Variants in CDH18 observed in about 807,000 individuals in gnomAD.
CDH18 encodes cadherin 18, also known as cadherin-18.
Under a neutral mutation model 67.9 loss-of-function variants are expected in CDH18, and 31 were observed. That is an observed-to-expected ratio of 0.46 (90% confidence interval 0.34 to 0.62). The LOEUF (loss-of-function observed/expected upper bound fraction) is 0.62. Ranked by LOEUF, CDH18 falls within the 20% of genes least tolerant of loss-of-function variation. The pLI is 0.01. For missense variants in CDH18, 890 were observed against 975.5 expected (o/e 0.91, Z 1.17); for synonymous variants, 362 against 347.2 (o/e 1.04, Z -0.48).
At chr5:19,938,256 T>C (rs1315232215) in intron 2 of CDH18, among the ~76,000 whole-genome samples, 2 of 151,142 alleles carry the variant, frequency 1.3e-5, no homozygotes, top group Non-Finnish European at 3.0e-5. Flanking sequence ...GACTCAATGA[T>C]GCTGGGTTAT....
At chr5:19,827,313 A>C (rs1780511589) in intron 3 of CDH18, among the ~76,000 whole-genome samples, 1 of 144,876 alleles carries the variant, frequency 6.9e-6, no homozygotes, top group African/African-American at 2.6e-5. Context: ...ACAATATCGG[A>C]CAAGTTATCA....
At chr5:20,378,267 G>C (rs946776193) in intron 1 of CDH18, among the ~76,000 whole-genome samples, 1 of 152,150 alleles carries the variant, frequency 6.6e-6, no homozygotes, top group South Asian at 2.1e-4. Flanking sequence ...CGCCTCCCGG[G>C]TTCACGCCAT....
At chr5:19,727,867 C>A (rs1448321169) in intron 4 of CDH18, among the ~76,000 whole-genome samples, 1 of 152,122 alleles carries the variant, frequency 6.6e-6, no homozygotes, top group African/African-American at 2.4e-5. Context: ...TTCTAATGAT[C>A]TGCCTGCTGA....
At chr5:19,582,316 A>T (rs1312531767) in intron 7 of CDH18, among the ~76,000 whole-genome samples, 1 of 152,050 alleles carries the variant, frequency 6.6e-6, no homozygotes, top group African/African-American at 2.4e-5. Context: ...TTAATTCATC[A>T]AGATGTTTCG....
chr5:20,418,806 G>A (rs1370291246), intron 1 of CDH18, among the ~76,000 whole-genome samples: 3 of 152,046 alleles, frequency 2.0e-5, no homozygotes, highest in Admixed American at 1.3e-4. Flanking sequence ...AAAATCATAC[G>A]TTGAAATCCT....
intron 1 of CDH18, among the ~76,000 whole-genome samples, chr5:20,335,828 A>G (rs1739674987): frequency 6.6e-6 from 1 of 152,232 alleles, no homozygotes; most frequent in Non-Finnish European, 1.5e-5. Context: ...AAAATATTAA[A>G]GCATTATGAA....
At chr5:20,558,236 G>A (rs1281759509) in intron 1 of CDH18, among the ~76,000 whole-genome samples, 1 of 151,966 alleles carries the variant, frequency 6.6e-6, no homozygotes, top group African/African-American at 2.4e-5. Flanking sequence ...ACACAGAATA[G>A]GACAAAGAGG....
chr5:19,560,494 C>T (rs1234427724), intron 8 of CDH18, among the ~76,000 whole-genome samples: 3 of 151,964 alleles, frequency 2.0e-5, no homozygotes, highest in Non-Finnish European at 4.4e-5. Context: ...ATTTCTCACC[C>T]TTATACAAAA....
chr5:19,902,928 T>A (rs1790099051), intron 2 of CDH18, among the ~76,000 whole-genome samples: 1 of 152,164 alleles, frequency 6.6e-6, no homozygotes, highest in South Asian at 2.1e-4. Context: ...AAGTAATCCA[T>A]AAGTGACATA....
chr5:19,685,932 T>C (rs1761033747), intron 5 of CDH18, among the ~76,000 whole-genome samples: 1 of 152,112 alleles, frequency 6.6e-6, no homozygotes, highest in Non-Finnish European at 1.5e-5. Flanking sequence ...ATTTGAATTA[T>C]AGCCCCAAAC....
Position 20,256,972 on chromosome 5 carries a change from A to C in CDH18, c.-579-1467T>G, listed in dbSNP as rs1468020336. ...ATCTATCTATCTATCTAATCTATCTATATCTATATCTATATCTATCTATCT... is the reference window on the plus strand; with the variant it reads ...ATCTATCTATCTATCTAATCTATCTCTATCTATATCTATATCTATCTATCT... On this transcript the variant is annotated intron_variant, in intron 1 of 14. Coordinates refer to the CDH18 transcript ENST00000507958. Among the ~76,000 whole-genome samples, 6 of 141,204 alleles carry C rather than the reference A, an allele frequency of 4.2e-5. 1 individual carries two copies. The highest frequency in any genetic ancestry group is 2.1e-4 in the Admixed American group (3 of 14,502). 92.6% of individuals were successfully genotyped at this position (141,204 alleles called of 152,430 possible).
chr5:19,796,751 A>G (rs1473257330), intron 3 of CDH18, among the ~76,000 whole-genome samples: 1 of 152,120 alleles, frequency 6.6e-6, no homozygotes, highest in Non-Finnish European at 1.5e-5. Context: ...ATCCAAGGCG[A>G]TAAGTGAAGA....
intron 1 of CDH18, among the ~76,000 whole-genome samples, chr5:20,413,166 A>G (rs1746943514): frequency 6.6e-6 from 1 of 152,202 alleles, no homozygotes; most frequent in South Asian, 2.1e-4. Flanking sequence ...GCTGCATAGT[A>G]TTCCGTGGTG....
chr5:20,462,640 T>A (rs1751352608), intron 1 of CDH18, among the ~76,000 whole-genome samples: 1 of 152,212 alleles, frequency 6.6e-6, no homozygotes, highest in Non-Finnish European at 1.5e-5. Context: ...TATATCAAAA[T>A]ATTTTAAAGT....
At chr5:20,526,644 A>T (rs2126539067) in intron 1 of CDH18, among the ~76,000 whole-genome samples, 1 of 152,228 alleles carries the variant, frequency 6.6e-6, no homozygotes, top group African/African-American at 2.4e-5. Context: ...AGCAAACTGC[A>T]GCAGACCTGC....
At chr5:20,040,732 C>T (rs1172167681) in intron 2 of CDH18, among the ~76,000 whole-genome samples, 1 of 152,036 alleles carries the variant, frequency 6.6e-6, no homozygotes, top group African/African-American at 2.4e-5. Flanking sequence ...AAATATGTTG[C>T]CTCATGCTTG....
At chr5:19,919,716 C>G (rs1023073840) in intron 2 of CDH18, among the ~76,000 whole-genome samples, 3 of 152,144 alleles carry the variant, frequency 2.0e-5, no homozygotes, top group African/African-American at 7.2e-5. Context: ...GAAGAAATAA[C>G]AGTCATTTCT....
chr5:19,599,124 T>C (rs948916311), intron 6 of CDH18, among the ~76,000 whole-genome samples: 3 of 152,138 alleles, frequency 2.0e-5, no homozygotes, highest in Non-Finnish European at 2.9e-5. Flanking sequence ...ATAATAACTT[T>C]AAACTTTCAA....
chr5:19,635,738 T>G (rs1753045462), intron 5 of CDH18, among the ~76,000 whole-genome samples: 1 of 152,170 alleles, frequency 6.6e-6, no homozygotes, highest in Non-Finnish European at 1.5e-5. Context: ...TTTATATATT[T>G]TACTTTCTTT....
Sources: allele counts gnomAD v4.1 joint callset (sites outside exome capture counted in the v4.1 genomes callset), GRCh38; gene constraint gnomAD v4.1.1; transcripts MANE v1.5; gene names NCBI Gene and HGNC (gene_info 2026-07-23, HGNC 2026-07-21).